HTR3A: variants seen among roughly 807,000 people sequenced by gnomAD.
HTR3A encodes 5-hydroxytryptamine (serotonin) receptor 3A, ionotropic.
Under a neutral mutation model 54.8 loss-of-function variants are expected in HTR3A, and 45 were observed. That is an observed-to-expected ratio of 0.82 (90% CI 0.65 to 1.05). The LOEUF (loss-of-function observed/expected upper bound fraction) is 1.05. HTR3A is among the 50% of genes least tolerant of loss of function. The pLI is 0.00. For missense variants in HTR3A, 657 were observed against 614.0 expected (o/e 1.07, Z -0.74); for synonymous variants, 297 against 256.0 (o/e 1.16, Z -1.53).
Position 113,986,690 on chromosome 11 carries a change from A to C in HTR3A, c.878A>C (p.Asp293Ala), listed in dbSNP as rs557217697. ...GYSVFLIIVS[D>A]TLPATAIGTP... ...TCGGTCTTCCTGATCATCGTTTCTG[A>C]CACGCTGCCGGCCACTGCCATCGGC... The change falls in exon 7 of 9, where the codon GAC (aspartate) becomes GCC (alanine). Residue 293 changes from aspartate to alanine, a missense_variant. Asp to Ala is a moderately radical substitution (Grantham distance 126). Transcript: ENST00000504030. The C allele has an allele frequency of 6.2e-7, 1 of 1,614,016 alleles. No individual in the cohort carries two copies. Among genetic ancestry groups the C allele is most frequent in the South Asian group, 1.1e-5 (1 of 91,072 alleles).
chr11:113,989,703 A>C lies in HTR3A; in HGVS notation c.1377A>C (p.Leu459=). 2 of 1,613,714 alleles carry C rather than the reference A, an allele frequency of 1.2e-6. No homozygotes were observed. Among genetic ancestry groups the C allele is most frequent in the Non-Finnish European group, 1.7e-6 (2 of 1,179,978 alleles). ...AGCTGCTATTCCACATTTACCTGCT[A>C]GCGGTGCTGGCCTACAGCATCACCC... ...LDKLLFHIYL[L]AVLAYSITLV... is the part of the protein sequence containing the mutation. Residue 459 remains leucine (L), a synonymous_variant, in exon 9 of 9, where the codon CTA becomes CTC. Transcript: ENST00000504030. This position sits in a 1 kb window ranked among gnomAD's most constrained non-coding sequence, Gnocchi z 4.4.
rs747723061 is a variant in HTR3A, at chr11:113,983,315, A to G, written c.544+26A>G. On this transcript the variant is annotated intron_variant, in intron 5 of 8. Coordinates refer to ENST00000504030, the MANE Select transcript of HTR3A (RefSeq NM_000869.6). Reference sequence around the variant, plus strand: ...GTGAGTATGTGGGCTTCGCCGGGACAGGGGTGGAGGTTGGGGGACCCCAGG... The same window carrying G: ...GTGAGTATGTGGGCTTCGCCGGGACGGGGGTGGAGGTTGGGGGACCCCAGG... 4.3e-6 allele frequency: 7 copies of G among 1,612,670 alleles called. No individual in the cohort carries two copies. In the Admixed American group the frequency reaches 5.0e-5, roughly 12 times the overall value.
chr11:113,983,097 A>G lies in HTR3A; in HGVS notation c.375-23A>G. 4 of 1,614,070 alleles carry G rather than the reference A, an allele frequency of 2.5e-6. No homozygotes were observed. In the African/African-American group the frequency reaches 5.3e-5, roughly 22 times the overall value. On this transcript the variant is annotated intron_variant, in intron 4 of 8. Coordinates refer to ENST00000504030, the MANE Select transcript of HTR3A (RefSeq NM_000869.6). ...CTTGCCCTGTCTCTTGAGCTCCCAA[A>G]CTAACCCCTTTTCCCCCGCCAGCGT... is the stretch of plus-strand genomic sequence containing the variant.
At chr11:113,979,902 G>A (rs952640809) in intron 3 of HTR3A, among the ~76,000 whole-genome samples, 4 of 152,198 alleles carry the variant, frequency 2.6e-5, no homozygotes, top group African/African-American at 9.6e-5. Flanking sequence ...AACACACGGA[G>A]GCAGAAGCAT....
At chr11:113,987,399 C>A (rs1033776265) in intron 8 of HTR3A, among the ~76,000 whole-genome samples, 1 of 152,058 alleles carries the variant, frequency 6.6e-6, no homozygotes, top group African/African-American at 2.4e-5. Flanking sequence ...CTGCCTCACA[C>A]GGTTAAATAC....
rs762491913 is a variant in HTR3A, at chr11:113,989,737, C to T, written c.1411C>T (p.Leu471Phe). Reference protein sequence around the residue: ...VLAYSITLVMLWSIWQYA With the variant: ...VLAYSITLVMFWSIWQYA ...GGCCTACAGCATCACCCTGGTTATG[C>T]TCTGGTCCATCTGGCAGTACGCTTG... Residue 471 changes from leucine (L) to phenylalanine (F), a missense_variant, in exon 9 of 9, where the codon CTC (leucine) becomes TTC (phenylalanine). Transcript: ENST00000504030. The surrounding 1 kb of genome is among the most constrained non-coding windows in gnomAD (Gnocchi z 4.4). 1 of 1,612,562 alleles carries T rather than the reference C, an allele frequency of 6.2e-7. No homozygotes were observed. Among genetic ancestry groups the T allele is most frequent in the African/African-American group, 1.3e-5 (1 of 75,062 alleles).
At chr11:113,986,224 A>G (rs1267945193) in intron 6 of HTR3A, 49 bp downstream of exon 6, 4 of 1,610,010 alleles carry the variant, frequency 2.5e-6, no homozygotes, top group Non-Finnish European at 3.4e-6. Flanking sequence ...CTTCACATCC[A>G]GGTAGACTTA....
chr11:113,977,913 C>A lies in HTR3A; in HGVS notation c.210C>A (p.Ile70=). The A allele has an allele frequency of 6.2e-7, 1 of 1,614,210 alleles. No individual in the cohort carries two copies. Among genetic ancestry groups the A allele is most frequent in the Non-Finnish European group, 8.5e-7 (1 of 1,180,030 alleles). The change falls in exon 2 of 9, where the codon ATC becomes ATA. Residue 70 remains isoleucine, a synonymous_variant. Transcript: ENST00000504030. ...CCATTGACGTCATTGTCTATGCCAT[C>A]CTCAACGTGGTGAGGCTCAGCCCCG... ...TVSIDVIVYA[I]LNVDEKNQVL... is the part of the protein sequence containing the mutation.
At chr11:113,985,863 G>T (rs1304148180) in intron 5 of HTR3A, 152 bp from the exon 6 acceptor site, 1 of 816,040 alleles carries the variant, frequency 1.2e-6, no homozygotes. Context: ...TATAGCTGAG[G>T]ACACTGAGGC....
chr11:113,986,544 C>G lies in HTR3A; in HGVS notation c.732C>G (p.Phe244Leu), dbSNP rs1375590415. 5 of 1,612,988 alleles carry G rather than the reference C, an allele frequency of 3.1e-6. No individual in the cohort carries two copies. The Admixed American group carries it at 6.7e-5, about 21-fold the overall frequency. ...TGGTCATCCGCCGGCGGCCCCTCTT[C>G]TATGTGGTCAGCCTGCTACTGCCCA... ...FYVVIRRRPL[F>L]YVVSLLLPSI... The change falls in exon 7 of 9, where the codon TTC (phenylalanine) becomes TTG (leucine). Residue 244 changes from phenylalanine (F) to leucine (L), a missense_variant. Transcript: ENST00000504030.
At chr11:113,983,504 C>T (rs566683108) in intron 5 of HTR3A, among the ~76,000 whole-genome samples, 27 of 152,276 alleles carry the variant, frequency 1.8e-4, no homozygotes, top group African/African-American at 6.5e-4. Flanking sequence ...TCATATAGCA[C>T]AGTATATTTT....
At chr11:113,977,995 C>T in intron 2 of HTR3A, 73 bp downstream of exon 2, 1 of 1,554,638 alleles carries the variant, frequency 6.4e-7, no homozygotes, top group Non-Finnish European at 8.9e-7. Flanking sequence ...GACAAGTCAC[C>T]CCCTATGCAG....
rs761832225 is a variant in HTR3A at position 113,989,558 on chromosome 11, C to A, written c.1232C>A (p.Ala411Asp). 25 of 1,614,056 alleles carry A rather than the reference C, an allele frequency of 1.5e-5. No individual in the cohort carries two copies. Among genetic ancestry groups the A allele is most frequent in the Non-Finnish European group, 1.9e-5 (23 of 1,180,046 alleles). ...AGCCCTCCCCCACCACCTCGGGAGG[C>A]CTCGCTGGCGGTGTGTGGGCTGCTG... is the stretch of plus-strand genomic sequence containing the variant. ...RCSPPPPPRE[A>D]SLAVCGLLQE... Residue 411 changes from alanine to aspartate, a missense_variant, in exon 9 of 9, where the codon GCC becomes GAC. Physicochemically the swap from Ala to Asp is moderately radical, Grantham distance 126. Transcript: ENST00000504030. The surrounding 1 kb of genome is among the most constrained non-coding windows in gnomAD (Gnocchi z 4.4).
chr11:113,983,969 G>A (rs990195486), intron 5 of HTR3A, among the ~76,000 whole-genome samples: 6 of 152,154 alleles, frequency 3.9e-5, no homozygotes, highest in Non-Finnish European at 7.3e-5. Context: ...GCCACAGCCA[G>A]CTGCTCCAGG....
In HTR3A at chr11:113,990,048, T is replaced by A; in HGVS notation, c.*285T>A. 5.0e-6 allele frequency: 3 copies of A among 596,908 alleles called. No individual in the cohort carries two copies. The highest frequency in any genetic ancestry group is 4.6e-5 in the South Asian group (3 of 65,754). The allele number at this position is 596,908 out of a possible 1,614,324, so 37.0% of individuals were successfully genotyped here. On this transcript the variant is annotated 3_prime_UTR_variant, in exon 9 of 9. Coordinates refer to ENST00000504030, the MANE Select transcript of HTR3A (RefSeq NM_000869.6). ...CTTAGATCAGGAGAAACTCGGGCAC[T>A]CCCTAAGTCCACTCTAGTTGTGGAC...
At chr11:113,979,762 G>A (rs1336103955) in intron 3 of HTR3A, among the ~76,000 whole-genome samples, 1 of 152,150 alleles carries the variant, frequency 6.6e-6, no homozygotes, top group African/African-American at 2.4e-5. Flanking sequence ...TACATCTGAG[G>A]CTTGGCAGGA....
intron 6 of HTR3A, 106 bp downstream of exon 6, chr11:113,986,281 G>A: frequency 7.1e-7 from 1 of 1,414,762 alleles, no homozygotes; most frequent in Non-Finnish European, 1.0e-6. Flanking sequence ...CAACCCCAGG[G>A]TTGCACACAT....
At chr11:113,975,421 T>C in intron 1 of HTR3A, 29 bp downstream of exon 1, 1 of 1,586,194 alleles carries the variant, frequency 6.3e-7, no homozygotes, top group East Asian at 2.2e-5. Context: ...GCAGCAGGAC[T>C]TGGCTGACCA....
chr11:113,975,385 G>A lies in HTR3A; in HGVS notation c.60G>A (p.Gln20=). 6.2e-7 allele frequency: 1 copy of A among 1,612,230 alleles called. No homozygotes were observed. Residue 20 remains glutamine (Q), a synonymous_variant, in exon 1 of 9, where the codon CAG becomes CAA. Transcript: ENST00000504030. ...TGCTCCTCCCCACACTCCTGGCACA[G>A]GGAGAAGGTAAGCAGACTTCGGGAA... ...LALLLPTLLA[Q]GEARRSRNTT...
Sources: allele counts gnomAD v4.1 joint callset (sites outside exome capture counted in the v4.1 genomes callset), GRCh38; gene constraint gnomAD v4.1.1; non-coding constraint Gnocchi (gnomAD v3.1); transcripts MANE v1.5; gene names NCBI Gene and HGNC (gene_info 2026-07-23, HGNC 2026-07-21).